Variants in RRH observed in about 807,000 individuals in gnomAD.
RRH encodes retinal pigment epithelium-derived rhodopsin homolog, also known as visual pigment-like receptor peropsin.
Under a neutral mutation model 33.1 loss-of-function variants are expected in RRH, and 36 were observed. The observed-to-expected ratio is 1.09, with a 90% CI of 0.83 to 1.44. The LOEUF is 1.44. Among genes scored for constraint, RRH ranks in the 40% most tolerant of loss-of-function variants. RRH has a pLI of 0.00. For synonymous variants in RRH, 124 were observed against 140.2 expected, an observed-to-expected ratio of 0.88 and a Z score of 0.82; for missense variants, 393 against 420.2, an observed-to-expected ratio of 0.94 and a Z score of 0.57.
In RRH at chr4:109,832,617, C is replaced by T. The variant is rs577292850; in HGVS notation, c.107-522C>T. On this transcript the variant is annotated intron_variant, in intron 1 of 6. Coordinates refer to ENST00000317735, the MANE Select transcript of RRH (RefSeq NM_006583.5). ...TTACATATGGTAGATGCTTAGTAAA[C>T]GACAATGAGTTCAATGAAAAAAGAA... 5.3e-5 allele frequency among the ~76,000 whole-genome samples: 8 copies of T among 150,732 alleles called. No individual in the cohort carries two copies. The South Asian group carries it at 1.7e-3, about 32-fold the overall frequency.
chr4:109,835,956 T>G (rs780948820), intron 3 of RRH, 51 bp from the exon 4 acceptor site: 8 of 1,606,968 alleles, frequency 5.0e-6, no homozygotes, highest in South Asian at 1.1e-5. Context: ...GTTTAAAAAG[T>G]GAGTCCCATT....
intron 1 of RRH, among the ~76,000 whole-genome samples, chr4:109,832,699 A>G (rs1326104835): frequency 6.6e-6 from 1 of 152,044 alleles, no homozygotes; most frequent in African/African-American, 2.4e-5. Context: ...TGCTGTGAGG[A>G]TAGAATGATA....
Position 109,837,605 on chromosome 4 carries a change from G to A in RRH, c.720G>A (p.Lys240=), listed in dbSNP as rs1468362763. The A allele has an allele frequency of 6.2e-7, 1 of 1,612,926 alleles. No individual in the cohort carries two copies. The highest frequency in any genetic ancestry group is 8.5e-7 in the Non-Finnish European group (1 of 1,179,186). The stretch of plus-strand genomic sequence containing the variant: ...GGTCAGATCAGATAGATGTAACAAA[G>A]GTAAGAGATCAAAATCCTTGAAAAA... ...RDWSDQIDVT[K]MSVIMICMFL... The change falls in exon 5 of 7, where the codon AAG becomes AAA. Residue 240 remains lysine, a splice_region_variant and synonymous_variant. Coordinates refer to ENST00000317735, the MANE Select transcript of RRH (RefSeq NM_006583.5).
At chr4:109,843,720 CA>C (rs1734026346) in intron 6 of RRH, among the ~76,000 whole-genome samples, 1 of 152,176 alleles carries the variant, frequency 6.6e-6, no homozygotes, top group Non-Finnish European at 1.5e-5. Flanking sequence ...TTCAAATAAA[CA>C]ACTCATGGCA....
Position 109,833,607 on chromosome 4 carries a change from CAAAT to C in RRH, c.297+284_297+287del. 3.9e-5 allele frequency among the ~76,000 whole-genome samples: 6 copies of C among 152,126 alleles called. No homozygotes were observed. The Middle Eastern group carries it at 0.02, about 517-fold the overall frequency. ...GGAGAAGAGTGCTGATTTGCATATT[CAAAT>C]AAATATTTGCATATTGCAAATTAAA... On this transcript the variant is annotated intron_variant, in intron 2 of 6. Coordinates refer to ENST00000317735, the MANE Select transcript of RRH (RefSeq NM_006583.5).
chr4:109,842,331 ACT>A (rs1734000179), intron 5 of RRH, 136 bp from the exon 6 acceptor site: 2 of 786,044 alleles, frequency 2.5e-6, no homozygotes, highest in Admixed American at 2.6e-5. Context: ...CAGAAAAAAA[ACT>A]CAACTATTTC....
intron 1 of RRH, among the ~76,000 whole-genome samples, chr4:109,832,719 T>C (rs1467515218): frequency 6.6e-6 from 1 of 151,898 alleles, no homozygotes; most frequent in Non-Finnish European, 1.5e-5. Context: ...AATTGAAGCT[T>C]GAGAAAGGCA....
At chr4:109,836,679 C>T (rs1241112584) in intron 4 of RRH, among the ~76,000 whole-genome samples, 3 of 152,014 alleles carry the variant, frequency 2.0e-5, no homozygotes, top group African/African-American at 7.3e-5. Flanking sequence ...TAATTTAGTT[C>T]ATTAGAGGAA....
At chr4:109,839,435 A>G (rs1341731388) in intron 5 of RRH, among the ~76,000 whole-genome samples, 1 of 152,202 alleles carries the variant, frequency 6.6e-6, no homozygotes, top group Non-Finnish European at 1.5e-5. Flanking sequence ...TTTTACAGAT[A>G]GGAGAAAAAC....
chr4:109,844,239 T>A lies in RRH; in HGVS notation c.*42T>A, dbSNP rs1442861201. The A allele has an allele frequency of 8.0e-7, 1 of 1,253,340 alleles. No homozygotes were observed. Among genetic ancestry groups the A allele is most frequent in the Admixed American group, 1.7e-5 (1 of 59,264 alleles). The allele number at this position is 1,253,340 out of a possible 1,614,324, so 77.6% of individuals were successfully genotyped here. On this transcript the variant is annotated 3_prime_UTR_variant, in exon 7 of 7. Transcript: ENST00000317735. ...ACACTATCAAAACACTTTAGTTTTT[T>A]GACAATGCTTTTCTTTTAAATATGA...
At chr4:109,841,452 T>C (rs1182039060) in intron 5 of RRH, among the ~76,000 whole-genome samples, 2 of 146,014 alleles carry the variant, frequency 1.4e-5, no homozygotes. Flanking sequence ...TCTGGAAGTC[T>C]TCTAGGGAGA....
chr4:109,844,226 C>A lies in RRH; in HGVS notation c.*29C>A. 7.2e-7 allele frequency: 1 copy of A among 1,393,080 alleles called. No homozygotes were observed. The highest frequency in any genetic ancestry group is 1.0e-6 in the Non-Finnish European group (1 of 979,652). 86.3% of individuals were successfully genotyped at this position (1,393,080 alleles called of 1,614,324 possible). A position where few individuals can be genotyped will look rare whatever the true frequency, so the allele number is the denominator to read the frequency against. ...AAGATAAAAGGACACACTATCAAAA[C>A]ACTTTAGTTTTTTGACAATGCTTTT... is the stretch of plus-strand genomic sequence containing the variant. On this transcript the variant is annotated 3_prime_UTR_variant, in exon 7 of 7. Transcript: ENST00000317735.
At chr4:109,839,778 A>G (rs755501500) in intron 5 of RRH, among the ~76,000 whole-genome samples, 2 of 152,234 alleles carry the variant, frequency 1.3e-5, no homozygotes, top group Non-Finnish European at 2.9e-5. Context: ...ATGTCCCTGC[A>G]AAGGACATGA....
Position 109,838,438 on chromosome 4 carries a change from A to T in RRH, c.720+833A>T, listed in dbSNP as rs547375357. 4.0e-5 allele frequency among the ~76,000 whole-genome samples: 6 copies of T among 151,710 alleles called. No individual in the cohort carries two copies. The East Asian group carries it at 1.2e-3, about 30-fold the overall frequency. Reference sequence around the variant, plus strand: ...AGCCAACATCCTCAGGCCTCCCTTCATCACCAGCTCAGGATGCTTTCACCT... The same window carrying T: ...AGCCAACATCCTCAGGCCTCCCTTCTTCACCAGCTCAGGATGCTTTCACCT... On this transcript the variant is annotated intron_variant, in intron 5 of 6. Coordinates refer to ENST00000317735, the MANE Select transcript of RRH (RefSeq NM_006583.5).
chr4:109,839,560 G>GCTAT (rs1733948838), intron 5 of RRH, among the ~76,000 whole-genome samples: 1 of 147,248 alleles, frequency 6.8e-6, no homozygotes, highest in African/African-American at 2.5e-5. Context: ...AGACTATCCA[G>GCTAT]GTATTAAGCC....
Position 109,837,417 on chromosome 4 carries a change from T to C in RRH, c.552-20T>C. 6.2e-7 allele frequency: 1 copy of C among 1,610,110 alleles called. No homozygotes were observed. The highest frequency in any genetic ancestry group is 8.5e-7 in the Non-Finnish European group (1 of 1,176,416). ...TAGGACATTAAATGAGCAATCATGA[T>C]TGCCTTTTCTTATTTTCAGATCTTT... On this transcript the variant is annotated intron_variant, in intron 4 of 6. Coordinates refer to ENST00000317735, the MANE Select transcript of RRH (RefSeq NM_006583.5).
intron 5 of RRH, 97 bp downstream of exon 5, chr4:109,837,702 A>G (rs1733912564): frequency 5.9e-6 from 5 of 854,000 alleles, no homozygotes; most frequent in Middle Eastern, 2.2e-4. Context: ...TCTCTCCCTC[A>G]TCTCCAATTC....
At chr4:109,840,294 G>T (rs1733962144) in intron 5 of RRH, among the ~76,000 whole-genome samples, 1 of 151,042 alleles carries the variant, frequency 6.6e-6, no homozygotes, top group Non-Finnish European at 1.5e-5. Flanking sequence ...CATGTCCCTT[G>T]CCCACTTTTT....
At chr4:109,829,870 A>G (rs943137828) in intron 1 of RRH, among the ~76,000 whole-genome samples, 1 of 152,128 alleles carries the variant, frequency 6.6e-6, no homozygotes, top group African/African-American at 2.4e-5. Context: ...TGAACTCTTT[A>G]TGCTTTTGTT....
Sources: allele counts gnomAD v4.1 joint callset (sites outside exome capture counted in the v4.1 genomes callset), GRCh38; gene constraint gnomAD v4.1.1; transcripts MANE v1.5; gene names NCBI Gene and HGNC (gene_info 2026-07-23, HGNC 2026-07-21).